NDUFAF6: variants seen among roughly 807,000 people sequenced by gnomAD.
NDUFAF6 encodes the protein NADH dehydrogenase (ubiquinone) complex I, assembly factor 6.
NDUFAF6 carries 45 observed loss-of-function variants against 40.8 expected under a neutral mutation model. The ratio of observed to expected loss-of-function variants is 1.10; its 90% confidence interval spans 0.87 to 1.42. NDUFAF6 has a LOEUF of 1.42. NDUFAF6 is among the 40% of genes most tolerant of loss of function. The pLI is 0.00. For synonymous variants in NDUFAF6, 185 were observed against 155.9 expected, an observed-to-expected ratio of 1.19 and a Z score of -1.39; for missense variants, 435 against 418.5, an observed-to-expected ratio of 1.04 and a Z score of -0.34.
chr8:94,980,438 TTTTG>T lies in NDUFAF6; in HGVS notation c.-198-417_-198-414del, dbSNP rs1317354346. On this transcript the variant is annotated intron_variant, in intron 1 of 9. Transcript: ENST00000396111. Reference sequence around the variant, plus strand: ...CAAATAACACTGTCAACTGTGGTTTTTTTGTTTTTTTTTTTTTTTTTTTTGAGAC... The same window carrying T: ...CAAATAACACTGTCAACTGTGGTTTTTTTTTTTTTTTTTTTTTTTTGAGAC... Among the ~76,000 whole-genome samples the T allele has an allele frequency of 9.1e-3, 1,330 of 146,906 alleles. 23 individuals carry two copies. Among genetic ancestry groups the T allele is most frequent in the African/African-American group, 0.033 (1,266 of 38,760 alleles).
exon 3 of NDUFAF6, chr8:95,103,422 T>C (rs1259706693): frequency 6.6e-6 from 1 of 152,210 alleles, no homozygotes; most frequent in African/African-American, 2.4e-5. Context: ...TGAGTTGGAA[T>C]GGATAAATAA....
At chr8:95,045,507 C>T in intron 4 of NDUFAF6, 38 bp from the exon 5 acceptor site, 1 of 1,428,878 alleles carries the variant, frequency 7.0e-7, no homozygotes, top group Non-Finnish European at 9.9e-7. Context: ...AAAATATTGA[C>T]AGTTCAACAG....
chr8:94,980,874 C>G (rs181078158), exon 2 of NDUFAF6: 1 of 454,520 alleles, frequency 2.2e-6, no homozygotes, highest in East Asian at 7.0e-5. Context: ...TCTCAACAAC[C>G]CATGAAGTGT....
At chr8:94,990,369 G>A (rs1162835045) in intron 2 of NDUFAF6, among the ~76,000 whole-genome samples, 1 of 152,200 alleles carries the variant, frequency 6.6e-6, no homozygotes, top group Non-Finnish European at 1.5e-5. Context: ...TTTGGGAAAA[G>A]ACTTGTGAGT....
intron 8 of NDUFAF6, among the ~76,000 whole-genome samples, chr8:95,055,608 AGG>A (rs1296843948): frequency 6.6e-6 from 1 of 152,206 alleles, no homozygotes; most frequent in Non-Finnish European, 1.5e-5. Flanking sequence ...CAGTATATTA[AGG>A]GATAAAAAAG....
At position 94,929,633 on chromosome 8, in the gene NDUFAF6, A is replaced by C. The variant is rs1263707992; in HGVS notation, c.-935-15850A>C. ...CTTGAGTGCCTGGACAAGTACTTCC[A>C]AATTTATAGCTGATGCGAGGTGAGG... On this transcript the variant is annotated intron_variant, in intron 1 of 14. Coordinates refer to the NDUFAF6 transcript ENST00000396113. The C allele has an allele frequency of 2.0e-5, 3 of 152,328 alleles. No homozygotes were observed. In the East Asian group the frequency reaches 5.8e-4, roughly 29 times the overall value. The allele number at this position is 152,328 out of a possible 1,614,324, so 9.4% of individuals were successfully genotyped here.
chr8:95,068,049 C>G (rs1401077881), intron 9 of NDUFAF6: 1 of 151,884 alleles, frequency 6.6e-6, no homozygotes, highest in Non-Finnish European at 1.5e-5. Context: ...TTAGGCTGCC[C>G]CTGTCCTAGT....
chr8:95,034,065 A>G (rs1444020267), intron 2 of NDUFAF6: 4 of 457,818 alleles, frequency 8.7e-6, no homozygotes, highest in Admixed American at 2.3e-5. Context: ...AACACTAAAC[A>G]TTGCTAAGAA....
chr8:95,112,470 A>G (rs1207888716), intron 4 of NDUFAF6, among the ~76,000 whole-genome samples: 1 of 152,220 alleles, frequency 6.6e-6, no homozygotes, highest in East Asian at 1.9e-4. Flanking sequence ...GAAGCTAGAA[A>G]GGCAAGGAAG....
At chr8:94,909,384 A>G (rs1269416928) in intron 1 of NDUFAF6, among the ~76,000 whole-genome samples, 1 of 53,918 alleles carries the variant, frequency 1.9e-5, no homozygotes, top group African/African-American at 5.9e-5. Flanking sequence ...AAAAAAAAAC[A>G]CTTCGGGAGG....
intron 2 of NDUFAF6, among the ~76,000 whole-genome samples, chr8:95,093,196 C>T (rs757359151): frequency 6.6e-6 from 1 of 152,162 alleles, no homozygotes; most frequent in African/African-American, 2.4e-5. Flanking sequence ...TTCTGACCCA[C>T]CACTCATTTC....
chr8:94,955,454 A>G (rs1822992477), upstream of NDUFAF6, among the ~76,000 whole-genome samples: 1 of 152,170 alleles, frequency 6.6e-6, no homozygotes, highest in South Asian at 2.1e-4. Flanking sequence ...CTCATGACCT[A>G]ATCACCTCTT....
intron 1 of NDUFAF6, among the ~76,000 whole-genome samples, chr8:94,968,836 G>C (rs1824228477): frequency 6.6e-6 from 1 of 152,144 alleles, no homozygotes; most frequent in African/African-American, 2.4e-5. Context: ...GATGCAGGTG[G>C]GGAGGAGTGA....
chr8:95,034,175 T>G (rs1829206202), intron 2 of NDUFAF6: 1 of 432,726 alleles, frequency 2.3e-6, no homozygotes, highest in Non-Finnish European at 4.7e-6. Context: ...TTTTGTCCCA[T>G]TTGCGTTATT....
intron 5 of NDUFAF6, 138 bp from the exon 6 acceptor site, chr8:95,046,856 A>T: frequency 1.2e-5 from 14 of 1,123,732 alleles, no homozygotes; most frequent in South Asian, 1.1e-4. Context: ...CCAGTTTTTC[A>T]CTCATAAATC....
intron 1 of NDUFAF6, among the ~76,000 whole-genome samples, chr8:94,906,376 T>G (rs1348308598): frequency 1.3e-5 from 2 of 152,208 alleles, no homozygotes; most frequent in Non-Finnish European, 2.9e-5. Context: ...TAGCTGTTGT[T>G]TGTGGTGACC....
In NDUFAF6 at chr8:94,933,834, TG is replaced by T. The variant is rs572867137; in HGVS notation, c.-935-11637del. On this transcript the variant is annotated intron_variant, in intron 1 of 14. Transcript: ENST00000396113. ...TCATGCCTGTAATCCCAGCACTTTG[TG>T]GGGGGGGGGGGAGGATCACGAGGTC... is the stretch of plus-strand genomic sequence containing the variant. Among the ~76,000 whole-genome samples the T allele has an allele frequency of 2.5e-3, 150 of 58,964 alleles. 11 individuals are homozygous for T. The highest frequency in any genetic ancestry group is 0.011 in the Middle Eastern group (1 of 88). 38.7% of individuals were successfully genotyped at this position (58,964 alleles called of 152,430 possible).
chr8:95,050,938 T>C (rs1209426291), intron 7 of NDUFAF6, among the ~76,000 whole-genome samples: 1 of 152,212 alleles, frequency 6.6e-6, no homozygotes, highest in Non-Finnish European at 1.5e-5. Flanking sequence ...TATGGCACTT[T>C]GATGGTGCCA....
At chr8:95,114,183 G>T (rs1358843599) in intron 4 of NDUFAF6, among the ~76,000 whole-genome samples, 2 of 80,704 alleles carry the variant, frequency 2.5e-5, no homozygotes, top group African/African-American at 1.0e-4. Context: ...AACAAAAAAT[G>T]AATGGTGTTG....
Sources: allele counts gnomAD v4.1 joint callset (sites outside exome capture counted in the v4.1 genomes callset), GRCh38; gene constraint gnomAD v4.1.1; transcripts MANE v1.5; gene names NCBI Gene and HGNC (gene_info 2026-07-23, HGNC 2026-07-21).